The following ANK3 variants were observed in gnomAD, a reference collection of about 807,000 sequenced individuals.
ANK3 encodes the protein ankyrin 3.
In ANK3, 57 loss-of-function variants were observed where a neutral mutation model predicts 370.9. The ratio of observed to expected loss-of-function variants is 0.15; its 90% CI spans 0.12 to 0.19. ANK3 has a LOEUF of 0.19. Ranked by LOEUF, ANK3 falls within the 10% of genes least tolerant of loss-of-function variation. The probability of loss-of-function intolerance (pLI) is 1.00; values close to 1 mark genes in which losing one functional copy is unlikely to be tolerated. For synonymous variants in ANK3, 1,929 were observed against 1,946.3 expected, an observed-to-expected ratio of 0.99 and a Z score of 0.23; for missense variants, 4,439 against 5,302.1, an observed-to-expected ratio of 0.84 and a Z score of 5.06.
intron 1 of ANK3, among the ~76,000 whole-genome samples, chr10:60,305,045 C>G (rs760076053): frequency 1.4e-4 from 21 of 152,134 alleles, no homozygotes; most frequent in Non-Finnish European, 2.6e-4. Flanking sequence ...GGGAGATAGT[C>G]AGAAAGGGAA....
intron 2 of ANK3, chr10:60,572,887 T>TGA (rs1311933635): frequency 3.0e-5 from 31 of 1,029,334 alleles, no homozygotes; most frequent in African/African-American, 3.4e-5. Flanking sequence ...CTGGAAATGG[T>TGA]GAGAGAGAGA....
intron 2 of ANK3, among the ~76,000 whole-genome samples, chr10:60,482,325 G>A (rs1355204056): frequency 6.6e-6 from 1 of 152,154 alleles, no homozygotes; most frequent in Non-Finnish European, 1.5e-5. Flanking sequence ...TTGCCTGAGA[G>A]CAACAAACTG....
In ANK3 at chr10:60,074,809, G is replaced by A. The variant is rs532643979; in HGVS notation, c.6072C>T (p.Ser2024=). The change falls in exon 37 of 44, where the codon TCC becomes TCT. Residue 2024 remains serine, a synonymous_variant. Coordinates refer to ENST00000280772, the MANE Select transcript of ANK3 (RefSeq NM_020987.5). ...ERVQVKAKAA[S]EKDYNLTKVI... ...CTTTGGTCAAGTTATAATCCTTTTCGGAGGCGGCTTTTGCTTTTACTTGCA... is the reference window on the plus strand; with the variant it reads ...CTTTGGTCAAGTTATAATCCTTTTCAGAGGCGGCTTTTGCTTTTACTTGCA... The A allele has an allele frequency of 2.9e-5, 47 of 1,613,656 alleles. No homozygotes were observed. Among genetic ancestry groups the A allele is most frequent in the Admixed American group, 6.7e-5 (4 of 59,962 alleles).
intron 1 of ANK3, among the ~76,000 whole-genome samples, chr10:60,620,521 G>C (rs1325324348): frequency 6.6e-6 from 1 of 152,126 alleles, no homozygotes; most frequent in African/African-American, 2.4e-5. Flanking sequence ...CAGTAAATAA[G>C]TAACAGAGCC....
intron 2 of ANK3, among the ~76,000 whole-genome samples, chr10:60,496,071 T>C (rs1418033575): frequency 6.6e-6 from 1 of 152,080 alleles, no homozygotes; most frequent in Non-Finnish European, 1.5e-5. Flanking sequence ...GTGTCTGGTA[T>C]ATGATGGAGC....
intron 43 of ANK3, among the ~76,000 whole-genome samples, chr10:60,032,586 C>T (rs1364252709): frequency 6.6e-6 from 1 of 152,156 alleles, no homozygotes; most frequent in Non-Finnish European, 1.5e-5. Context: ...ACCAATCCAA[C>T]TTCCCAGGTT....
chr10:60,496,202 G>A (rs913214446), intron 2 of ANK3, among the ~76,000 whole-genome samples: 3 of 152,132 alleles, frequency 2.0e-5, no homozygotes. Context: ...TGTATTCCCA[G>A]TCACCCATTG....
intron 18 of ANK3, among the ~76,000 whole-genome samples, chr10:60,179,934 C>T (rs886741730): frequency 6.6e-6 from 1 of 152,056 alleles, no homozygotes; most frequent in Non-Finnish European, 1.5e-5. Context: ...TTGACCCAGA[C>T]CTTGCCTTCT....
Position 60,055,681 on chromosome 10 carries a change from C to T in ANK3, c.13042G>A (p.Gly4348Arg), listed in dbSNP as rs375135544. ...KPRLSLHEEE[G>R]SSGSEQKQGE... ...ACCTTTTGCTCAGACCCACTGGACC[C>T]CTCTTCTTCATGGAGGCTAAGCCTT... The change falls in exon 42 of 44, where the codon GGG becomes AGG. Residue 4348 changes from glycine (G) to arginine (R), a missense_variant. Around this residue, in one of 13 missense-constraint regions of ANK3, gnomAD observed 242 missense variants for 228.0 expected, o/e 1.06. Transcript: ENST00000280772. 44 of 1,612,694 alleles carry T rather than the reference C, an allele frequency of 2.7e-5. No individual in the cohort carries two copies. The highest frequency in any genetic ancestry group is 5.4e-5 in the African/African-American group (4 of 74,750).
At chr10:60,089,916 T>C (rs183594970) in intron 28 of ANK3, among the ~76,000 whole-genome samples, 307 of 152,262 alleles carry the variant, frequency 2.0e-3, no homozygotes, top group African/African-American at 7.0e-3. Flanking sequence ...AGATGATTTA[T>C]TTAAAAGATG....
At chr10:60,614,477 T>C (rs2078241718) in intron 2 of ANK3, among the ~76,000 whole-genome samples, 1 of 152,174 alleles carries the variant, frequency 6.6e-6, no homozygotes, top group Admixed American at 6.5e-5. Flanking sequence ...CAGTCTGTCC[T>C]AACCCTTACC....
intron 2 of ANK3, among the ~76,000 whole-genome samples, chr10:60,601,617 G>A (rs2078065709): frequency 6.6e-6 from 1 of 152,036 alleles, no homozygotes; most frequent in African/African-American, 2.4e-5. Context: ...AGAGGTTATA[G>A]GAGACCTGGA....
Position 60,070,858 on chromosome 10 carries a change from A to C in ANK3, c.10023T>G (p.Asp3341Glu). ...AAGCTTTGGGTTTTTCTTTTTGTTC[A>C]TCGTCCACTTCCTTTAATTTGAAGG... ...KYTFKLKEVDDEQKEKPKASA... is the reference protein window; with the variant it reads ...KYTFKLKEVDEEQKEKPKASA... Residue 3341 changes from aspartate to glutamate, a missense_variant, in exon 37 of 44, where the codon GAT (aspartate) becomes GAG (glutamate). Physicochemically the swap from Asp to Glu is conservative, Grantham distance 45 (BLOSUM62 2). This residue lies in a region of ANK3 where 1,601 missense variants were observed against 1,731.7 expected (regional missense o/e 0.92). Transcript: ENST00000280772. This position sits in a 1 kb window ranked among gnomAD's most constrained non-coding sequence, Gnocchi z 5.7. 1 of 1,613,996 alleles carries C rather than the reference A, an allele frequency of 6.2e-7. No individual in the cohort carries two copies. Among genetic ancestry groups the C allele is most frequent in the Non-Finnish European group, 8.5e-7 (1 of 1,179,976 alleles).
intron 1 of ANK3, among the ~76,000 whole-genome samples, chr10:60,698,115 A>C (rs1012462758): frequency 2.0e-4 from 30 of 152,126 alleles, no homozygotes; most frequent in Non-Finnish European, 3.7e-4. Flanking sequence ...ACTTCTCAAA[A>C]GAAGACATTT....
chr10:60,321,601 C>T (rs1378002103), intron 1 of ANK3, among the ~76,000 whole-genome samples: 5 of 152,170 alleles, frequency 3.3e-5, no homozygotes, highest in Non-Finnish European at 4.4e-5. Flanking sequence ...ATTTAATTGT[C>T]ACAGTGTCCT....
At chr10:60,337,307 T>A (rs556269529) in intron 1 of ANK3, among the ~76,000 whole-genome samples, 1 of 152,254 alleles carries the variant, frequency 6.6e-6, no homozygotes, top group South Asian at 2.1e-4. Flanking sequence ...TTCCATGTAG[T>A]TTTTTCTTTG....
chr10:60,280,788 G>T (rs903062113), intron 1 of ANK3, among the ~76,000 whole-genome samples: 2 of 152,204 alleles, frequency 1.3e-5, no homozygotes, highest in South Asian at 4.1e-4. Flanking sequence ...GGTAAACACC[G>T]CCTTCAAAGG....
chr10:60,716,632 G>C (rs1255121514), intron 1 of ANK3, among the ~76,000 whole-genome samples: 1 of 152,112 alleles, frequency 6.6e-6, no homozygotes, highest in African/African-American at 2.4e-5. Flanking sequence ...TCCCACGTCA[G>C]CCTCCCAAGT....
intron 2 of ANK3, among the ~76,000 whole-genome samples, chr10:60,455,513 G>A (rs1176494963): frequency 6.6e-6 from 1 of 152,120 alleles, no homozygotes; most frequent in Non-Finnish European, 1.5e-5. Flanking sequence ...GTTTTCAACA[G>A]TTTATAATTG....
Sources: allele counts gnomAD v4.1 joint callset (sites outside exome capture counted in the v4.1 genomes callset), GRCh38; gene constraint gnomAD v4.1.1; regional missense constraint gnomAD v4.1.1; non-coding constraint Gnocchi (gnomAD v3.1); transcripts MANE v1.5; gene names NCBI Gene and HGNC (gene_info 2026-07-23, HGNC 2026-07-21).